RIN3: variants seen among roughly 807,000 people sequenced by gnomAD.
RIN3 encodes Ras and Rab interactor 3.
In RIN3, 54 loss-of-function variants were observed where a neutral mutation model predicts 76.3. The ratio of observed to expected loss-of-function variants is 0.71; its 90% CI spans 0.57 to 0.89. The LOEUF (loss-of-function observed/expected upper bound fraction) is 0.89, where lower values mean the gene tolerates loss of function less well. RIN3 is among the 40% of genes least tolerant of loss of function. The pLI is 0.00. For missense variants in RIN3, 1,256 were observed against 1,322.1 expected, an observed-to-expected ratio of 0.95 and a Z score of 0.78; for synonymous variants, 576 against 564.0, an observed-to-expected ratio of 1.02 and a Z score of -0.30.
chr14:92,660,910 C>T (rs893352885), intron 7 of RIN3, among the ~76,000 whole-genome samples: 1 of 152,226 alleles, frequency 6.6e-6, no homozygotes, highest in Non-Finnish European at 1.5e-5. Context: ...GTGCAGTGAG[C>T]AGACTGTGTA....
In RIN3 at chr14:92,614,704, TTC is replaced by T. The variant is rs758783302; in HGVS notation, c.368-699_368-698del. On this transcript the variant is annotated intron_variant, in intron 3 of 9. Coordinates refer to ENST00000216487, the MANE Select transcript of RIN3 (RefSeq NM_024832.5). ...GGAAACCCCTTTCGCTTGTCTGTCA[TTC>T]TCTGTCTGCCATCATTAAGACGTGC... is the stretch of plus-strand genomic sequence containing the variant. Among the ~76,000 whole-genome samples, 39 of 151,746 alleles carry T rather than the reference TTC, an allele frequency of 2.6e-4. 1 individual carries two copies. Among genetic ancestry groups the T allele is most frequent in the Non-Finnish European group, 5.2e-4 (35 of 67,950 alleles).
At chr14:92,626,666 G>A (rs1886365923) in intron 4 of RIN3, among the ~76,000 whole-genome samples, 1 of 152,166 alleles carries the variant, frequency 6.6e-6, no homozygotes, top group Non-Finnish European at 1.5e-5. Flanking sequence ...AGTATAAGGG[G>A]GAGGAATAAT....
At chr14:92,589,244 C>T (rs969503326) in intron 3 of RIN3, among the ~76,000 whole-genome samples, 7 of 152,106 alleles carry the variant, frequency 4.6e-5, no homozygotes, top group Non-Finnish European at 8.8e-5. Context: ...ATTGTGTTCA[C>T]TCCCACCTCT....
intron 1 of RIN3, among the ~76,000 whole-genome samples, chr14:92,535,986 G>T (rs1265061644): frequency 6.6e-6 from 1 of 152,056 alleles, no homozygotes; most frequent in Non-Finnish European, 1.5e-5. Flanking sequence ...TTATTGACAA[G>T]ACTGTCCTTT....
In RIN3 at chr14:92,616,652, A is replaced by T. The variant is rs548471004; in HGVS notation, c.440+1173A>T. ...GTCCCTACCTATTGGGGATCAAGGA[A>T]CTCTCACCCTGCTCTGTATAGTGGA... On this transcript the variant is annotated intron_variant, in intron 4 of 9. Transcript: ENST00000216487. 2.0e-5 allele frequency among the ~76,000 whole-genome samples: 3 copies of T among 151,790 alleles called. No individual in the cohort carries two copies. The East Asian group carries it at 5.8e-4, about 29-fold the overall frequency.
chr14:92,543,087 G>A (rs1055709230), intron 1 of RIN3, among the ~76,000 whole-genome samples: 6 of 152,126 alleles, frequency 3.9e-5, no homozygotes, highest in East Asian at 3.8e-4. Context: ...GTTAAAAAAC[G>A]AACCACCCTA....
In RIN3 at chr14:92,584,268, G is replaced by A. The variant is rs1028030007; in HGVS notation, c.367+6791G>A. Among the ~76,000 whole-genome samples, 3 of 152,208 alleles carry A rather than the reference G, an allele frequency of 2.0e-5. No individual in the cohort carries two copies. The East Asian group carries it at 5.8e-4, about 29-fold the overall frequency. ...TGCAACAACTTGTGTATATTGCAATGCAGGCTGAAGGAGCAGCACCCATCT... is the reference window on the plus strand; with the variant it reads ...TGCAACAACTTGTGTATATTGCAATACAGGCTGAAGGAGCAGCACCCATCT... On this transcript the variant is annotated intron_variant, in intron 3 of 9. Transcript: ENST00000216487.
intron 6 of RIN3, among the ~76,000 whole-genome samples, chr14:92,658,218 C>G (rs1344925373): frequency 6.6e-6 from 1 of 152,252 alleles, no homozygotes; most frequent in East Asian, 1.9e-4. Context: ...AGAGCGCCAA[C>G]TCCTGCTCCA....
At chr14:92,672,013 G>C (rs906162371) in intron 7 of RIN3, among the ~76,000 whole-genome samples, 1 of 152,222 alleles carries the variant, frequency 6.6e-6, no homozygotes, top group Non-Finnish European at 1.5e-5. Context: ...AGGACTTAGA[G>C]ACAAGGCCGC....
Position 92,648,090 on chromosome 14 carries a change from C to CT in RIN3, c.533-3476dup, listed in dbSNP as rs35034984. Among the ~76,000 whole-genome samples the CT allele has an allele frequency of 0.7, 97,542 of 138,856 alleles. 34,284 individuals are homozygous for CT. Among genetic ancestry groups the CT allele is most frequent in the African/African-American group, 0.73 (26,944 of 36,944 alleles). 91.1% of individuals were successfully genotyped at this position (138,856 alleles called of 152,430 possible). ...GCTGCAGAGAAAGTTACTCATTTCC[C>CT]TTTTTTTTTTTTTTTTGGAGCATAA... On this transcript the variant is annotated intron_variant, in intron 5 of 9. Coordinates refer to ENST00000216487, the MANE Select transcript of RIN3 (RefSeq NM_024832.5). The surrounding 1 kb of genome is among the most constrained non-coding windows in gnomAD (Gnocchi z 4.1).
chr14:92,531,052 C>T (rs1896867415), intron 1 of RIN3, among the ~76,000 whole-genome samples: 1 of 152,172 alleles, frequency 6.6e-6, no homozygotes, highest in South Asian at 2.1e-4. Flanking sequence ...CTCCTCCTTA[C>T]AGCATCTTAC....
Position 92,685,297 on chromosome 14 carries a change from G to T in RIN3, c.2631+147G>T. 1 of 804,822 alleles carries T rather than the reference G, an allele frequency of 1.2e-6. No homozygotes were observed. Among genetic ancestry groups the T allele is most frequent in the Non-Finnish European group, 1.9e-6 (1 of 523,168 alleles). 49.9% of individuals were successfully genotyped at this position (804,822 alleles called of 1,614,324 possible). A position where few individuals can be genotyped will look rare whatever the true frequency, so the allele number is the denominator to read the frequency against. On this transcript the variant is annotated intron_variant, in intron 9 of 9. Transcript: ENST00000216487. The surrounding 1 kb of genome is among the most constrained non-coding windows in gnomAD (Gnocchi z 4.7). ...GAGCAGTGAGACTCCCCACACCAGA[G>T]GAAGGGCCCCCAGCCCCTGCTGCCA...
intron 1 of RIN3, among the ~76,000 whole-genome samples, chr14:92,528,485 G>C (rs754695809): frequency 2.0e-5 from 3 of 152,188 alleles, no homozygotes; most frequent in Non-Finnish European, 4.4e-5. Flanking sequence ...AGTCAAGAAC[G>C]TAGTAGGCGT....
rs542735517 is a variant in RIN3, at chr14:92,639,411, T to C, written c.441-1827T>C. ...GTGGCTGCCAGGTCTTGATAACCAC[T>C]GCTGGGCACCCTCTCATCCATTCCT... is the stretch of plus-strand genomic sequence containing the variant. On this transcript the variant is annotated intron_variant, in intron 4 of 9. Transcript: ENST00000216487. Among the ~76,000 whole-genome samples, 7 of 152,324 alleles carry C rather than the reference T, an allele frequency of 4.6e-5. No individual in the cohort carries two copies. In the East Asian group the frequency reaches 1.3e-3, roughly 29 times the overall value.
chr14:92,545,582 C>CTTTTTTT (rs11324822), intron 1 of RIN3, among the ~76,000 whole-genome samples: 6 of 114,714 alleles, frequency 5.2e-5, no homozygotes, highest in Non-Finnish European at 5.3e-5. Context: ...TTTTCTTTTT[C>CTTTTTTT]TTTTTTTTTT....
intron 3 of RIN3, among the ~76,000 whole-genome samples, chr14:92,588,315 C>T (rs1403582410): frequency 6.7e-6 from 1 of 148,684 alleles, no homozygotes; most frequent in Non-Finnish European, 1.5e-5. Flanking sequence ...GCAACTTCCG[C>T]CTCCTGGGTT....
intron 1 of RIN3, among the ~76,000 whole-genome samples, chr14:92,528,784 G>A (rs1194722576): frequency 6.6e-6 from 1 of 152,214 alleles, no homozygotes; most frequent in Non-Finnish European, 1.5e-5. Context: ...CAGCAGGCAT[G>A]AAAATGTGCG....
chr14:92,665,682 CTT>C (rs564184495), intron 7 of RIN3, among the ~76,000 whole-genome samples: 10 of 152,172 alleles, frequency 6.6e-5, no homozygotes, highest in African/African-American at 4.8e-5. Context: ...CGCCTGGACT[CTT>C]TGTCTTTAAT....
chr14:92,615,172 G>T (rs1318918593), intron 3 of RIN3, among the ~76,000 whole-genome samples: 1 of 152,050 alleles, frequency 6.6e-6, no homozygotes, highest in African/African-American at 2.4e-5. Flanking sequence ...CTCGAAAATG[G>T]ACTAATACAA....
Sources: allele counts gnomAD v4.1 joint callset (sites outside exome capture counted in the v4.1 genomes callset), GRCh38; gene constraint gnomAD v4.1.1; non-coding constraint Gnocchi (gnomAD v3.1); transcripts MANE v1.5; gene names NCBI Gene and HGNC (gene_info 2026-07-23, HGNC 2026-07-21).